DPP6: variants seen among roughly 807,000 people sequenced by gnomAD.
DPP6 encodes A-type potassium channel modulatory protein DPP6.
DPP6 carries 69 observed loss-of-function variants against 122.6 expected under a neutral mutation model. The observed-to-expected ratio is 0.56, with a 90% confidence interval of 0.46 to 0.69. DPP6 has a LOEUF of 0.69. Ranked by LOEUF, DPP6 falls within the 30% of genes least tolerant of loss-of-function variation. The pLI, the probability that DPP6 is intolerant of heterozygous loss-of-function variation, is 0.00. For synonymous variants in DPP6, 418 were observed against 433.1 expected, an observed-to-expected ratio of 0.97 and a Z score of 0.43; for missense variants, 928 against 1,116.9, an observed-to-expected ratio of 0.83 and a Z score of 2.41.
At chr7:154,185,531 A>G (rs1043253076) in intron 1 of DPP6, among the ~76,000 whole-genome samples, 1 of 152,188 alleles carries the variant, frequency 6.6e-6, no homozygotes, top group Admixed American at 6.5e-5. Context: ...CAGGGCTGGA[A>G]TAACGTGATG....
At chr7:154,245,635 C>CTAAAAAAAAAAA (rs1801931482) in intron 1 of DPP6, among the ~76,000 whole-genome samples, 1 of 100,668 alleles carries the variant, frequency 9.9e-6, no homozygotes, top group Admixed American at 1.0e-4. Context: ...AAGACTGTCT[C>CTAAAAAAAAAAA]AAAAAAAAAA....
chr7:154,318,005 T>TA (rs1374152361), intron 1 of DPP6, among the ~76,000 whole-genome samples: 13 of 152,376 alleles, frequency 8.5e-5, no homozygotes, highest in Admixed American at 2.6e-4. Context: ...TTGATTCAAA[T>TA]ATTCATTTCA....
At chr7:154,422,853 G>A (rs933066841) in intron 1 of DPP6, among the ~76,000 whole-genome samples, 8 of 152,322 alleles carry the variant, frequency 5.3e-5, no homozygotes, top group African/African-American at 1.9e-4. Flanking sequence ...AGAAAAGACA[G>A]ATCCAGAGCA....
At chr7:154,330,518 G>A (rs999698759) in intron 1 of DPP6, among the ~76,000 whole-genome samples, 1 of 152,216 alleles carries the variant, frequency 6.6e-6, no homozygotes, top group African/African-American at 2.4e-5. Context: ...GGGCGGGCAA[G>A]CATCAGGGCA....
chr7:154,441,337 T>C (rs757767923), intron 1 of DPP6, among the ~76,000 whole-genome samples: 1 of 152,236 alleles, frequency 6.6e-6, no homozygotes, highest in Non-Finnish European at 1.5e-5. Flanking sequence ...TGCTAAAACA[T>C]TACTTGGTGG....
intron 19 of DPP6, among the ~76,000 whole-genome samples, chr7:154,873,997 CACACAT>C (rs1301414755): frequency 6.6e-6 from 1 of 151,508 alleles, no homozygotes; most frequent in African/African-American, 2.4e-5. Flanking sequence ...TACCCACATG[CACACAT>C]ACACACACAT....
intron 1 of DPP6, among the ~76,000 whole-genome samples, chr7:154,306,568 T>C (rs934261191): frequency 6.6e-6 from 1 of 152,194 alleles, no homozygotes; most frequent in Non-Finnish European, 1.5e-5. Context: ...CTGAAGAGCC[T>C]CCTTGAGGAC....
chr7:153,882,815 AC>A (rs1374490308), upstream of DPP6, among the ~76,000 whole-genome samples: 1 of 152,142 alleles, frequency 6.6e-6, no homozygotes, highest in African/African-American at 2.4e-5. Flanking sequence ...GTGCTGAAAA[AC>A]ACGGCAGATT....
intron 1 of DPP6, among the ~76,000 whole-genome samples, chr7:154,207,308 T>C (rs1454103330): frequency 6.6e-6 from 1 of 152,224 alleles, no homozygotes; most frequent in African/African-American, 2.4e-5. Context: ...GGTGTCCATG[T>C]AGTAAAAAAG....
At chr7:154,643,422 G>A (rs1394724801) in intron 6 of DPP6, among the ~76,000 whole-genome samples, 1 of 150,654 alleles carries the variant, frequency 6.6e-6, no homozygotes, top group African/African-American at 2.4e-5. Flanking sequence ...GAAAGATACA[G>A]ACTTATATAA....
At chr7:153,946,143 T>C (rs1801937753) in intron 1 of DPP6, among the ~76,000 whole-genome samples, 2 of 152,192 alleles carry the variant, frequency 1.3e-5, no homozygotes, top group African/African-American at 4.8e-5. Context: ...AGAAGGTTCT[T>C]GGACCTCACG....
In DPP6 at chr7:154,724,513, C is replaced by T. The variant is rs147188208; in HGVS notation, c.763-3254C>T. Among the ~76,000 whole-genome samples the T allele has an allele frequency of 3.0e-4, 45 of 152,320 alleles. No homozygotes were observed. In the East Asian group the frequency reaches 3.3e-3, roughly 11 times the overall value. ...ATTTGAGGCCTGGCTCCCTTCTCTT[C>T]GCCACACCATCTGCCTCCATACTCA... On this transcript the variant is annotated intron_variant, in intron 7 of 25. Coordinates refer to ENST00000377770, the MANE Select transcript of DPP6 (RefSeq NM_130797.4).
chr7:154,884,275 C>CATGCTCACACAT (rs1805864459), intron 21 of DPP6: 1 of 149,578 alleles, frequency 6.7e-6, no homozygotes, highest in African/African-American at 2.5e-5. Flanking sequence ...CACACATACA[C>CATGCTCACACAT]ATACATGCTC....
intron 1 of DPP6, among the ~76,000 whole-genome samples, chr7:154,289,066 T>C (rs534336832): frequency 6.6e-6 from 1 of 152,248 alleles, no homozygotes; most frequent in African/African-American, 2.4e-5. Flanking sequence ...GCAAAAGTCA[T>C]TTCTGGGCAG....
chr7:154,051,646 C>G (rs1430134237), upstream of DPP6, among the ~76,000 whole-genome samples: 9 of 150,002 alleles, frequency 6.0e-5, no homozygotes, highest in East Asian at 1.6e-3. Context: ...GGAAAAGTTG[C>G]GGGCAGCCGG....
At chr7:153,786,470 T>C in the DPP6 span, among the ~76,000 whole-genome samples, 1 of 151,624 alleles carries the variant, frequency 6.6e-6, no homozygotes, top group Non-Finnish European at 1.5e-5. Flanking sequence ...CCGGGCACAG[T>C]GGCTCACGCC....
intron 1 of DPP6, among the ~76,000 whole-genome samples, chr7:154,029,503 C>T (rs577533393): frequency 1.5e-4 from 23 of 150,682 alleles, no homozygotes; most frequent in East Asian, 3.9e-4. Context: ...GGTGACTGAG[C>T]GAGACTCCAT....
chr7:153,949,255 C>G (rs1802093936), intron 1 of DPP6, among the ~76,000 whole-genome samples: 3 of 152,196 alleles, frequency 2.0e-5, no homozygotes, highest in Admixed American at 2.0e-4. Flanking sequence ...ATCCTTTACT[C>G]TGAGAAGGAG....
At chr7:154,211,868 C>G (rs895285359) in intron 1 of DPP6, among the ~76,000 whole-genome samples, 1 of 152,174 alleles carries the variant, frequency 6.6e-6, no homozygotes, top group South Asian at 2.1e-4. Context: ...ACAGCCTTGT[C>G]TTGAGGCCTT....
Sources: gnomAD v4.1 joint callset for allele counts (sites outside exome capture counted in the v4.1 genomes callset) on GRCh38, gnomAD v4.1.1 for gene constraint, MANE v1.5 for transcripts, NCBI Gene and HGNC (gene_info 2026-07-23, HGNC 2026-07-21) for gene names.